The following RIMS2 variants were observed in gnomAD, a reference collection of about 807,000 sequenced individuals.
RIMS2 encodes regulating synaptic membrane exocytosis protein 2.
In RIMS2, 59 loss-of-function variants were observed where a neutral mutation model predicts 174.4. The ratio of observed to expected loss-of-function variants is 0.34; its 90% CI spans 0.27 to 0.42. RIMS2 has a LOEUF of 0.42. RIMS2 is among the 10% of genes least tolerant of loss of function. The pLI, the probability that RIMS2 is intolerant of heterozygous loss-of-function variation, is 1.00. For synonymous variants in RIMS2, 606 were observed against 572.5 expected (o/e 1.06, Z -0.84); for missense variants, 1,620 against 1,666.3 (o/e 0.97, Z 0.48).
intron 19 of RIMS2, among the ~76,000 whole-genome samples, chr8:104,214,034 T>C (rs2099118319): frequency 6.6e-6 from 1 of 152,180 alleles, no homozygotes; most frequent in Non-Finnish European, 1.5e-5. Flanking sequence ...TAGTTTGTTG[T>C]CAAGTATGGG....
intron 12 of RIMS2, among the ~76,000 whole-genome samples, 157 bp downstream of exon 14, chr8:103,931,550 GTAAA>G (rs1361830514): frequency 2.0e-5 from 3 of 152,012 alleles, no homozygotes; most frequent in Non-Finnish European, 4.4e-5. Context: ...AATAGTGACA[GTAAA>G]TAAGATTTTT....
chr8:104,206,453 G>C (rs1390411832), intron 19 of RIMS2, among the ~76,000 whole-genome samples: 1 of 151,960 alleles, frequency 6.6e-6, no homozygotes, highest in Non-Finnish European at 1.5e-5. Context: ...ATGTTGCCTT[G>C]GATCAGTGTC....
At chr8:104,088,198 G>A (rs2097569575) in intron 19 of RIMS2, among the ~76,000 whole-genome samples, 1 of 152,010 alleles carries the variant, frequency 6.6e-6, no homozygotes, top group Non-Finnish European at 1.5e-5. Flanking sequence ...AACATCATCT[G>A]GAAGTAGCTC....
At chr8:103,654,337 C>G (rs1449074513) in intron 1 of RIMS2, among the ~76,000 whole-genome samples, 1 of 151,842 alleles carries the variant, frequency 6.6e-6, no homozygotes, top group Non-Finnish European at 1.5e-5. Context: ...CAAAAGAAAT[C>G]ACTTTAATAA....
At chr8:103,834,594 T>G (rs1009849221) in intron 3 of RIMS2, among the ~76,000 whole-genome samples, 2 of 151,898 alleles carry the variant, frequency 1.3e-5, no homozygotes, top group Non-Finnish European at 2.9e-5. Context: ...GCTTTTTTTT[T>G]GTCATATCTC....
At chr8:103,757,668 C>T (rs2098042058) in intron 2 of RIMS2, among the ~76,000 whole-genome samples, 1 of 152,162 alleles carries the variant, frequency 6.6e-6, no homozygotes, top group African/African-American at 2.4e-5. Flanking sequence ...CCTCAAACAA[C>T]ATGCAGGTGT....
intron 19 of RIMS2, among the ~76,000 whole-genome samples, chr8:104,219,301 G>A (rs533139084): frequency 6.6e-6 from 1 of 152,292 alleles, no homozygotes; most frequent in East Asian, 1.9e-4. Context: ...ATTTATGAAA[G>A]TATATGTGGT....
intron 16 of RIMS2, among the ~76,000 whole-genome samples, chr8:103,984,004 T>C (rs2094144895): frequency 6.6e-6 from 1 of 151,848 alleles, no homozygotes; most frequent in Non-Finnish European, 1.5e-5. Context: ...AAACCCCGTC[T>C]CTACTAAAAA....
At chr8:104,140,771 A>G (rs1190727390) in intron 19 of RIMS2, among the ~76,000 whole-genome samples, 1 of 152,174 alleles carries the variant, frequency 6.6e-6, no homozygotes, top group African/African-American at 2.4e-5. Flanking sequence ...TAAAGGAATC[A>G]ATCAATTTGT....
intron 19 of RIMS2, among the ~76,000 whole-genome samples, chr8:104,126,722 C>T (rs2098434949): frequency 6.6e-6 from 1 of 152,210 alleles, no homozygotes; most frequent in Admixed American, 6.5e-5. Context: ...AAGTTAGAAG[C>T]TGTTGTTTTT....
At chr8:104,056,274 C>T (rs967406578) in intron 19 of RIMS2, among the ~76,000 whole-genome samples, 8 of 151,694 alleles carry the variant, frequency 5.3e-5, no homozygotes, top group East Asian at 2.0e-4. Context: ...CATGGTGGCT[C>T]GTGTCTGTAG....
At chr8:103,810,050 T>G (rs559166630) in intron 3 of RIMS2, among the ~76,000 whole-genome samples, 14 of 152,304 alleles carry the variant, frequency 9.2e-5, no homozygotes, top group Admixed American at 7.9e-4. Flanking sequence ...CACAAATCCC[T>G]TATGTCCTCT....
At chr8:104,115,176 G>A (rs979155136) in intron 19 of RIMS2, among the ~76,000 whole-genome samples, 12 of 152,046 alleles carry the variant, frequency 7.9e-5, no homozygotes, top group African/African-American at 2.9e-4. Context: ...AAATTGCATA[G>A]GAATAACAGC....
rs888782282 is a variant in RIMS2 at position 104,123,740 on chromosome 8, C to T, written c.3334+109125C>T. Among the ~76,000 whole-genome samples the T allele has an allele frequency of 3.3e-5, 5 of 151,524 alleles. No homozygotes were observed. The South Asian group carries it at 6.2e-4, about 19-fold the overall frequency. ...ATAATGCTTTAAATTATTTTCAAAG[C>T]TCAAAATGCAAATGGGCAAATGTTT... On this transcript the variant is annotated intron_variant, in intron 19 of 23. Coordinates refer to ENST00000504942, the Ensembl canonical transcript of RIMS2.
chr8:103,930,508 G>A (rs956186167), intron 11 of RIMS2, among the ~76,000 whole-genome samples: 1 of 152,118 alleles, frequency 6.6e-6, no homozygotes, highest in Non-Finnish European at 1.5e-5. Flanking sequence ...TGTGAGGTAT[G>A]TGTGTGGGAG....
At chr8:103,858,174 G>T (rs2099038334) in intron 3 of RIMS2, among the ~76,000 whole-genome samples, 1 of 152,140 alleles carries the variant, frequency 6.6e-6, no homozygotes, top group African/African-American at 2.4e-5. Flanking sequence ...TTAACTTTTT[G>T]GGATGAGCTT....
intron 19 of RIMS2, among the ~76,000 whole-genome samples, chr8:104,055,470 G>A (rs1436023644): frequency 6.6e-6 from 1 of 152,112 alleles, no homozygotes; most frequent in Non-Finnish European, 1.5e-5. Flanking sequence ...ATGGGGAATA[G>A]TCAATTAACA....
At chr8:104,145,730 G>A (rs937585281) in intron 19 of RIMS2, among the ~76,000 whole-genome samples, 1 of 141,158 alleles carries the variant, frequency 7.1e-6, no homozygotes, top group African/African-American at 2.7e-5. Flanking sequence ...GGACATGGTG[G>A]TGCATGCCTG....
intron 1 of RIMS2, among the ~76,000 whole-genome samples, chr8:103,547,310 T>A (rs1845576934): frequency 6.6e-6 from 1 of 152,126 alleles, no homozygotes; most frequent in African/African-American, 2.4e-5. Context: ...TTGCTGGCTT[T>A]CAACAAATGT....
Sources: gnomAD v4.1 joint callset for allele counts (sites outside exome capture counted in the v4.1 genomes callset) on GRCh38, gnomAD v4.1.1 for gene constraint, MANE v1.5 for transcripts, NCBI Gene and HGNC (gene_info 2026-07-23, HGNC 2026-07-21) for gene names.